Variants in ZNF613 observed in about 807,000 individuals in gnomAD.
The protein encoded by ZNF613 is zinc finger protein 613.
Under a neutral mutation model 14.3 loss-of-function variants are expected in ZNF613, and 8 were observed. The ratio of observed to expected loss-of-function variants is 0.56; its 90% CI spans 0.33 to 1.01. The LOEUF is 1.01. ZNF613 is among the 50% of genes least tolerant of loss of function. ZNF613 has a pLI of 0.03. For synonymous variants in ZNF613, 228 were observed against 254.5 expected, an observed-to-expected ratio of 0.90 and a Z score of 0.99; for missense variants, 656 against 741.9, an observed-to-expected ratio of 0.88 and a Z score of 1.35.
At chr19:51,935,590 A>ACATT (rs1204596531) in intron 2 of ZNF613, among the ~76,000 whole-genome samples, 2 of 152,244 alleles carry the variant, frequency 1.3e-5, no homozygotes. Context: ...TTGGCTTAAT[A>ACATT]CATTTGTCTT....
At chr19:51,939,989 T>A (rs929871019) in intron 3 of ZNF613, among the ~76,000 whole-genome samples, 7 of 152,108 alleles carry the variant, frequency 4.6e-5, no homozygotes, top group Non-Finnish European at 8.8e-5. Flanking sequence ...TGATAGATAA[T>A]TACACAATTA....
Position 51,944,593 on chromosome 19 carries a change from G to A in ZNF613, c.710G>A (p.Cys237Tyr). The A allele has an allele frequency of 1.9e-6, 3 of 1,614,218 alleles. No individual in the cohort carries two copies. Among genetic ancestry groups the A allele is most frequent in the Non-Finnish European group, 2.5e-6 (3 of 1,180,042 alleles). Residue 237 changes from cysteine to tyrosine, a missense_variant, in exon 6 of 6, where the codon TGT (cysteine) becomes TAT (tyrosine). Physicochemically the swap from Cys to Tyr is radical, Grantham distance 194. Coordinates refer to ENST00000293471, the MANE Select transcript of ZNF613 (RefSeq NM_001031721.4). ...TGEKPHGCSI[C>Y]GKAFSRKSGL... ...GAGAAACCTCATGGATGCAGTATAT[G>A]TGGGAAAGCCTTCTCCAGAAAGTCC...
At position 51,944,960 on chromosome 19, in the gene ZNF613, C is replaced by T. The variant is rs1166749950; in HGVS notation, c.1077C>T (p.Leu359=). ...CDKAFRWKSQ[L]NAHQKAHTGE... ...AAGCATTCCGCTGGAAATCACAGCT[C>T]AATGCACATCAGAAAGCTCACACAG... Residue 359 remains leucine, a synonymous_variant, in exon 6 of 6, where the codon CTC becomes CTT. Coordinates refer to ENST00000293471, the MANE Select transcript of ZNF613 (RefSeq NM_001031721.4). 1 of 1,613,902 alleles carries T rather than the reference C, an allele frequency of 6.2e-7. No individual in the cohort carries two copies. The highest frequency in any genetic ancestry group is 8.5e-7 in the Non-Finnish European group (1 of 1,180,016).
At chr19:51,930,266 A>ATT (rs879617654) in intron 2 of ZNF613, among the ~76,000 whole-genome samples, 10 of 146,192 alleles carry the variant, frequency 6.8e-5, no homozygotes, top group South Asian at 2.2e-4. Flanking sequence ...ACATAGCATA[A>ATT]TTTTTTTTTT....
intron 3 of ZNF613, among the ~76,000 whole-genome samples, chr19:51,936,722 C>CACAGG (rs1481442202): frequency 6.6e-6 from 1 of 152,138 alleles, no homozygotes; most frequent in East Asian, 1.9e-4. Flanking sequence ...TGAGCTGAAG[C>CACAGG]AATCTGTCTC....
Position 51,944,229 on chromosome 19 carries a change from A to G in ZNF613, c.346A>G (p.Arg116Gly). 1 of 1,611,156 alleles carries G rather than the reference A, an allele frequency of 6.2e-7. No homozygotes were observed. Among genetic ancestry groups the G allele is most frequent in the Non-Finnish European group, 8.5e-7 (1 of 1,178,270 alleles). ...HNAFGNIIHQ[R>G]KSDFPLRQNH... The stretch of plus-strand genomic sequence containing the variant: ...TGCATTTGGAAACATCATTCATCAG[A>G]GGAAAAGTGATTTTCCTTTAAGGCA... The change falls in exon 6 of 6, where the codon AGG (arginine) becomes GGG (glycine). Residue 116 changes from arginine to glycine, a missense_variant. Physicochemically the swap from Arg to Gly is moderately radical, Grantham distance 125. Transcript: ENST00000293471.
chr19:51,928,599 C>T (rs151258474), intron 1 of ZNF613, among the ~76,000 whole-genome samples: 1 of 152,210 alleles, frequency 6.6e-6, no homozygotes, highest in African/African-American at 2.4e-5. Flanking sequence ...CGGTGGCTCA[C>T]GCCTATATTC....
rs183547924 is a variant in ZNF613 at position 51,939,784 on chromosome 19, G to C, written c.16-425G>C. Reference sequence around the variant, plus strand: ...TTATGTAGTATCTTGTAGTGTTTGGGGTTTCTTCCTGGTTGATTCTGGTAG... The same window carrying C: ...TTATGTAGTATCTTGTAGTGTTTGGCGTTTCTTCCTGGTTGATTCTGGTAG... On this transcript the variant is annotated intron_variant, in intron 3 of 5. Transcript: ENST00000293471. 1.5e-4 allele frequency among the ~76,000 whole-genome samples: 23 copies of C among 151,886 alleles called. No individual in the cohort carries two copies. In the East Asian group the frequency reaches 4.3e-3, roughly 28 times the overall value.
In ZNF613 at chr19:51,944,986, G is replaced by T. The variant is rs756873958; in HGVS notation, c.1103G>T (p.Gly368Val). The change falls in exon 6 of 6, where the codon GGA (glycine) becomes GTA (valine). Residue 368 changes from glycine (G) to valine (V), a missense_variant. By Grantham distance (109) the Gly-to-Val change is moderately radical. Coordinates refer to ENST00000293471, the MANE Select transcript of ZNF613 (RefSeq NM_001031721.4). Reference protein sequence around the residue: ...QLNAHQKAHTGEKSYICRDCG... With the variant: ...QLNAHQKAHTVEKSYICRDCG... ...AATGCACATCAGAAAGCTCACACAG[G>T]AGAGAAGTCATATATATGCCGTGAT... 57 of 1,614,110 alleles carry T rather than the reference G, an allele frequency of 3.5e-5. No individual in the cohort carries two copies. The Middle Eastern group carries it at 4.9e-4, about 14-fold the overall frequency.
chr19:51,945,931 A>T lies in ZNF613; in HGVS notation c.*194A>T. The stretch of plus-strand genomic sequence containing the variant: ...GGGAAATTCTTTTATGGGAAGATAG[A>T]TCTTCTCATCAGTGACCATAGATCA... On this transcript the variant is annotated 3_prime_UTR_variant, in exon 6 of 6. Coordinates refer to ENST00000293471, the MANE Select transcript of ZNF613 (RefSeq NM_001031721.4). 1 of 605,804 alleles carries T rather than the reference A, an allele frequency of 1.7e-6. No homozygotes were observed. The highest frequency in any genetic ancestry group is 4.5e-4 in the Middle Eastern group (1 of 2,218). The allele number at this position is 605,804 out of a possible 1,614,324, so 37.5% of individuals were successfully genotyped here. A position where few individuals can be genotyped will look rare whatever the true frequency, so the allele number is the denominator to read the frequency against.
chr19:51,935,813 C>T (rs1299022844), intron 2 of ZNF613, among the ~76,000 whole-genome samples: 6 of 152,184 alleles, frequency 3.9e-5, no homozygotes, highest in African/African-American at 1.4e-4. Context: ...TTACATTTCA[C>T]AGAAGAAAGA....
chr19:51,942,296 A>C (rs2085355975), intron 5 of ZNF613, among the ~76,000 whole-genome samples: 1 of 152,214 alleles, frequency 6.6e-6, no homozygotes, highest in Non-Finnish European at 1.5e-5. Context: ...CAATAACAAC[A>C]ACAAAATTCT....
At chr19:51,940,535 C>T (rs1417584101) in intron 4 of ZNF613, 82 bp from the exon 5 acceptor site, 2 of 1,506,492 alleles carry the variant, frequency 1.3e-6, no homozygotes, top group South Asian at 1.2e-5. Context: ...TTACATAGTT[C>T]CTAAAACAGA....
At position 51,945,928 on chromosome 19, in the gene ZNF613, T is replaced by G; in HGVS notation, c.*191T>G. On this transcript the variant is annotated 3_prime_UTR_variant, in exon 6 of 6. Coordinates refer to ENST00000293471, the MANE Select transcript of ZNF613 (RefSeq NM_001031721.4). The stretch of plus-strand genomic sequence containing the variant: ...ACTGGGAAATTCTTTTATGGGAAGA[T>G]AGATCTTCTCATCAGTGACCATAGA... 1.6e-6 allele frequency: 1 copy of G among 612,970 alleles called. No individual in the cohort carries two copies. Among genetic ancestry groups the G allele is most frequent in the Admixed American group, 2.9e-5 (1 of 33,916 alleles). 38.0% of individuals were successfully genotyped at this position (612,970 alleles called of 1,614,324 possible).
Sources: gnomAD v4.1 joint callset for allele counts (sites outside exome capture counted in the v4.1 genomes callset) on GRCh38, gnomAD v4.1.1 for gene constraint, MANE v1.5 for transcripts, NCBI Gene and HGNC (gene_info 2026-07-23, HGNC 2026-07-21) for gene names.